The following AP2A1 variants were observed in gnomAD, a reference collection of about 807,000 sequenced individuals.
The protein encoded by AP2A1 is adaptor related protein complex 2 subunit alpha 1, also known as AP-2 complex subunit alpha-1.
Under a neutral mutation model 107.3 loss-of-function variants are expected in AP2A1, and 21 were observed. The observed-to-expected ratio is 0.20, with a 90% CI of 0.14 to 0.28. The LOEUF (loss-of-function observed/expected upper bound fraction) is 0.28. Ranked by LOEUF, AP2A1 falls within the 10% of genes least tolerant of loss-of-function variation. AP2A1 has a pLI of 1.00. For missense variants in AP2A1, 873 were observed against 1,307.7 expected, an observed-to-expected ratio of 0.67 and a Z score of 5.13; for synonymous variants, 602 against 564.8, an observed-to-expected ratio of 1.07 and a Z score of -0.93.
At chr19:49,770,622 G>A (rs2084546768) in intron 1 of AP2A1, among the ~76,000 whole-genome samples, 1 of 152,172 alleles carries the variant, frequency 6.6e-6, no homozygotes, top group Admixed American at 6.5e-5. Flanking sequence ...TCTATGTAGT[G>A]GAATATTACC....
At chr19:49,771,754 T>C (rs2084560558) in intron 1 of AP2A1, among the ~76,000 whole-genome samples, 1 of 152,020 alleles carries the variant, frequency 6.6e-6, no homozygotes, top group South Asian at 2.1e-4. Context: ...GCAGCTGTCC[T>C]AAGCCCAGTG....
At chr19:49,792,498 C>T (rs918135174) in intron 5 of AP2A1, among the ~76,000 whole-genome samples, 10 of 151,954 alleles carry the variant, frequency 6.6e-5, no homozygotes, top group African/African-American at 2.2e-4. Context: ...GTCCCCGGTA[C>T]TCATTACCTG....
chr19:49,800,276 A>G (rs2073261496), intron 11 of AP2A1, 126 bp downstream of exon 11: 1 of 1,196,950 alleles, frequency 8.4e-7, no homozygotes, highest in Non-Finnish European at 1.2e-6. Flanking sequence ...CGTGACCTCA[A>G]AATGGGGCCT....
intron 4 of AP2A1, 148 bp downstream of exon 4, chr19:49,782,872 T>G: frequency 1.0e-6 from 1 of 959,338 alleles, no homozygotes; most frequent in Non-Finnish European, 1.5e-6. Flanking sequence ...GTGGTTCCGG[T>G]GGCAGCCCCA....
intron 1 of AP2A1, 35 bp downstream of exon 1, chr19:49,767,235 G>T (rs1407578584): frequency 4.4e-6 from 7 of 1,606,626 alleles, no homozygotes; most frequent in Non-Finnish European, 5.9e-6. Flanking sequence ...GGAGACGCGG[G>T]GGAGGGGGGA....
In AP2A1 at chr19:49,801,973, TC is replaced by T; in HGVS notation, c.1954-6del. 1 of 1,491,204 alleles carries T rather than the reference TC, an allele frequency of 6.7e-7. No homozygotes were observed. The highest frequency in any genetic ancestry group is 8.9e-7 in the Non-Finnish European group (1 of 1,125,200). The allele number at this position is 1,491,204 out of a possible 1,614,324, so 92.4% of individuals were successfully genotyped here. On this transcript the variant is annotated splice_region_variant and splice_polypyrimidine_tract_variant and intron_variant, in intron 14 of 22. Coordinates refer to ENST00000354293, the MANE Select transcript of AP2A1 (RefSeq NM_130787.3). ...GCCTGTCCTCACCGTGACCTGCGCT[TC>T]CTACAGTCGACGCCCTCGCCCTCCG...
In AP2A1 at chr19:49,785,612, A is replaced by G. The variant is rs887210357; in HGVS notation, c.473+2888A>G. Among the ~76,000 whole-genome samples the G allele has an allele frequency of 6.6e-6, 1 of 152,008 alleles. No individual in the cohort carries two copies. Among genetic ancestry groups the G allele is most frequent in the Non-Finnish European group, 1.5e-5 (1 of 67,976 alleles). On this transcript the variant is annotated intron_variant, in intron 4 of 22. Transcript: ENST00000354293. The surrounding 1 kb of genome is among the most constrained non-coding windows in gnomAD (Gnocchi z 4.1). Reference sequence around the variant, plus strand: ...ATCTGAGAGAGATCGGCACCGTCCAATAAAAATATAATGCAAAATACAGGC... The same window carrying G: ...ATCTGAGAGAGATCGGCACCGTCCAGTAAAAATATAATGCAAAATACAGGC...
rs1260709224 is a variant in AP2A1, at chr19:49,798,893, T to C, written c.906T>C (p.His302=). The C allele has an allele frequency of 1.3e-6, 2 of 1,575,402 alleles. No individual in the cohort carries two copies. The highest frequency in any genetic ancestry group is 1.9e-5 in the Admixed American group (1 of 53,642). ...QEPPKSKKVQ[H]SNAKNAILFE... is the part of the protein sequence containing the mutation. The stretch of plus-strand genomic sequence containing the variant: ...CCCCCAAATCCAAGAAGGTGCAGCA[T>C]TCCAACGCCAAGAACGCCATCCTCT... Residue 302 remains histidine, a synonymous_variant, in exon 8 of 23, where the codon CAT becomes CAC. Transcript: ENST00000354293.
At chr19:49,798,336 G>A (rs2073236365) in intron 7 of AP2A1, among the ~76,000 whole-genome samples, 1 of 152,130 alleles carries the variant, frequency 6.6e-6, no homozygotes, top group South Asian at 2.1e-4. Flanking sequence ...TGCCTGCAGT[G>A]GCCTCTTGCT....
rs934387095 is a variant in AP2A1 at position 49,788,708 on chromosome 19, G to A, written c.474-3227G>A. Among the ~76,000 whole-genome samples the A allele has an allele frequency of 2.6e-5, 4 of 152,104 alleles. No individual in the cohort carries two copies. The highest frequency in any genetic ancestry group is 1.3e-4 in the Admixed American group (2 of 15,260). ...CCCAGAGTCAGGGCTCGGGAGATGCGCGCCGTGACGGAGATGGGAAAGTGG... is the reference window on the plus strand; with the variant it reads ...CCCAGAGTCAGGGCTCGGGAGATGCACGCCGTGACGGAGATGGGAAAGTGG... On this transcript the variant is annotated intron_variant, in intron 4 of 22. Coordinates refer to ENST00000354293, the MANE Select transcript of AP2A1 (RefSeq NM_130787.3). The surrounding 1 kb of genome is among the most constrained non-coding windows in gnomAD (Gnocchi z 4.5).
Position 49,788,239 on chromosome 19 carries a change from G to A in AP2A1, c.474-3696G>A, listed in dbSNP as rs769925368. ...GCTGAGATTACAGGCGTGAGCCACC[G>A]CGCCTGACTTGTGGTTTTATTTTTT... On this transcript the variant is annotated intron_variant, in intron 4 of 22. Coordinates refer to ENST00000354293, the MANE Select transcript of AP2A1 (RefSeq NM_130787.3). The surrounding 1 kb of genome is among the most constrained non-coding windows in gnomAD (Gnocchi z 4.5). Among the ~76,000 whole-genome samples the A allele has an allele frequency of 2.4e-4, 36 of 152,180 alleles. No homozygotes were observed. The highest frequency in any genetic ancestry group is 1.6e-3 in the Admixed American group (24 of 15,270).
At position 49,800,110 on chromosome 19, in the gene AP2A1, G is replaced by A. The variant is rs748476589; in HGVS notation, c.1415G>A (p.Arg472His). The change falls in exon 11 of 23, where the codon CGT becomes CAT. Residue 472 changes from arginine (R) to histidine (H), a missense_variant. Physicochemically the swap from Arg to His is conservative, Grantham distance 29. Coordinates refer to ENST00000354293, the MANE Select transcript of AP2A1 (RefSeq NM_130787.3). ...WYRVLQIVTN[R>H]DDVQGYAAKT... ...CGTGTGCTACAGATCGTCACCAACC[G>A]TGATGACGTCCAGGGCTATGCCGCC... 34 of 1,613,692 alleles carry A rather than the reference G, an allele frequency of 2.1e-5. No homozygotes were observed. In the South Asian group the frequency reaches 2.6e-4, roughly 13 times the overall value.
chr19:49,787,227 G>GC (rs2084747914), intron 4 of AP2A1, among the ~76,000 whole-genome samples: 1 of 151,542 alleles, frequency 6.6e-6, no homozygotes, highest in Admixed American at 6.6e-5. Flanking sequence ...TGTTGCCCAG[G>GC]CTCCAGGCTG....
intron 6 of AP2A1, among the ~76,000 whole-genome samples, chr19:49,794,891 G>C (rs1600234392): frequency 1.3e-5 from 2 of 152,030 alleles, no homozygotes; most frequent in South Asian, 4.1e-4. Context: ...TTGAACTCCT[G>C]ATCTCAGGTG....
chr19:49,775,919 C>T (rs1213784967), intron 1 of AP2A1, among the ~76,000 whole-genome samples: 1 of 152,152 alleles, frequency 6.6e-6, no homozygotes, highest in Non-Finnish European at 1.5e-5. Context: ...AGTAACAGAC[C>T]CACCCTGATC....
chr19:49,783,936 C>G (rs2084707583), intron 4 of AP2A1, among the ~76,000 whole-genome samples: 1 of 152,226 alleles, frequency 6.6e-6, no homozygotes, highest in Non-Finnish European at 1.5e-5. Flanking sequence ...GCCCCTAAGT[C>G]AACCTTTAGT....
chr19:49,784,737 G>T (rs1208622527), intron 4 of AP2A1, among the ~76,000 whole-genome samples: 1 of 151,854 alleles, frequency 6.6e-6, no homozygotes, highest in African/African-American at 2.4e-5. Flanking sequence ...CGGGTGGGGT[G>T]CTGTGTGCCT....
intron 1 of AP2A1, 80 bp from the exon 2 acceptor site, chr19:49,781,677 T>TG (rs2084677165): frequency 1.4e-6 from 2 of 1,402,702 alleles, no homozygotes; most frequent in Admixed American, 4.0e-5. Context: ...TCCTGCTGGG[T>TG]GGGGCCGCGC....
At chr19:49,767,879 G>A (rs575628046) in intron 1 of AP2A1, among the ~76,000 whole-genome samples, 5 of 152,002 alleles carry the variant, frequency 3.3e-5, no homozygotes, top group African/African-American at 7.2e-5. Flanking sequence ...GCAGTGTGGA[G>A]GGGGCTAGAG....
Sources: allele counts gnomAD v4.1 joint callset (sites outside exome capture counted in the v4.1 genomes callset), GRCh38; gene constraint gnomAD v4.1.1; non-coding constraint Gnocchi (gnomAD v3.1); transcripts MANE v1.5; gene names NCBI Gene and HGNC (gene_info 2026-07-23, HGNC 2026-07-21).